The following FAT4 variants were observed in gnomAD, a reference collection of about 807,000 sequenced individuals.
FAT4 encodes the protein FAT atypical cadherin 4.
FAT4 carries 84 observed loss-of-function variants against 303.9 expected under a neutral mutation model. The observed-to-expected ratio is 0.28, with a 90% CI of 0.23 to 0.33. The LOEUF is 0.33. FAT4 is among the 10% of genes least tolerant of loss of function. The probability of loss-of-function intolerance (pLI) is 1.00; values close to 1 mark genes in which losing one functional copy is unlikely to be tolerated. For missense variants in FAT4, 6,005 were observed against 6,146.8 expected, an observed-to-expected ratio of 0.98 and a Z score of 0.77; for synonymous variants, 2,307 against 2,298.8, an observed-to-expected ratio of 1.00 and a Z score of -0.10.
intron 17 of FAT4, among the ~76,000 whole-genome samples, chr4:125,488,268 T>C (rs879000817): frequency 1.3e-5 from 2 of 152,194 alleles, no homozygotes; most frequent in Admixed American, 1.3e-4. Context: ...ATGATGAAGT[T>C]GGAGAATGAA....
chr4:125,349,930 T>A (rs1266588682), intron 2 of FAT4, among the ~76,000 whole-genome samples: 1 of 151,748 alleles, frequency 6.6e-6, no homozygotes, highest in Admixed American at 6.6e-5. Flanking sequence ...ATATATTGAG[T>A]TATAATTATT....
chr4:125,378,888 C>T (rs889951958), intron 2 of FAT4, among the ~76,000 whole-genome samples: 2 of 152,098 alleles, frequency 1.3e-5, no homozygotes, highest in Admixed American at 6.6e-5. Context: ...ATTCCACTGG[C>T]TATGGAGTAA....
intron 2 of FAT4, among the ~76,000 whole-genome samples, chr4:125,347,322 G>T (rs11939458): frequency 0.09 from 13,506 of 150,350 alleles, 629 homozygotes; most frequent in Middle Eastern, 0.18. Context: ...ATCAATTAAT[G>T]GTACTAACAA....
chr4:125,441,189 C>A (rs1038461798), intron 8 of FAT4, among the ~76,000 whole-genome samples: 5 of 152,056 alleles, frequency 3.3e-5, no homozygotes, highest in African/African-American at 9.7e-5. Flanking sequence ...ATAAGAAGTG[C>A]AATTTAATAG....
intron 2 of FAT4, among the ~76,000 whole-genome samples, chr4:125,385,024 A>ATTTTT (rs70960372): frequency 1.1e-5 from 1 of 94,444 alleles, no homozygotes; most frequent in African/African-American, 4.2e-5. Flanking sequence ...ATATATATAT[A>ATTTTT]TTTTTTTTTT....
In FAT4 at chr4:125,450,481, G is replaced by A. The variant is rs1249521953; in HGVS notation, c.9471G>A (p.Glu3157=). 3.7e-6 allele frequency: 6 copies of A among 1,613,956 alleles called. No individual in the cohort carries two copies. The highest frequency in any genetic ancestry group is 3.3e-5 in the Admixed American group (2 of 59,990). ...CACTAGCCAAAGCTCTTGATTATGA[G>A]CTATGCCAGAAACACGAAATGACGA... The part of the protein sequence containing the change: ...ILTLAKALDY[E]LCQKHEMTIS... Residue 3157 remains glutamate, a synonymous_variant, in exon 10 of 18, where the codon GAG becomes GAA. Transcript: ENST00000394329.
intron 7 of FAT4, among the ~76,000 whole-genome samples, chr4:125,422,760 G>A (rs115504303): frequency 0.014 from 2,203 of 152,318 alleles, 24 homozygotes; most frequent in Middle Eastern, 0.031. Context: ...AGTGACTTTG[G>A]AACTGGGTAA....
At chr4:125,486,923 T>G (rs1727430121) in intron 16 of FAT4, among the ~76,000 whole-genome samples, 1 of 152,212 alleles carries the variant, frequency 6.6e-6, no homozygotes, top group Non-Finnish European at 1.5e-5. Context: ...ATTCTTTTTC[T>G]TTTTGCAAGT....
chr4:125,315,987 A>G lies in FAT4; in HGVS notation c.-13+10A>G, dbSNP rs1365862382. On this transcript the variant is annotated intron_variant, in intron 1 of 17. Coordinates refer to ENST00000394329, the MANE Select transcript of FAT4 (RefSeq NM_001291303.3). ...ACGTTCTTCGCTGCGGGTAAGTTCT[A>G]AAGTTTCTGAAGACCGTTCTTTGCA... Among the ~76,000 whole-genome samples, 5 of 152,130 alleles carry G rather than the reference A, an allele frequency of 3.3e-5. No individual in the cohort carries two copies.
chr4:125,491,108 T>G lies in FAT4; in HGVS notation c.14292T>G (p.His4764Gln). Residue 4764 changes from histidine (H) to glutamine (Q), a missense_variant, in exon 18 of 18, where the codon CAT (histidine) becomes CAG (glutamine). By Grantham distance (24) the His-to-Gln change is conservative (BLOSUM62 0). Coordinates refer to ENST00000394329, the MANE Select transcript of FAT4 (RefSeq NM_001291303.3). Reference sequence around the variant, plus strand: ...AGAGTCCTCAGGCCATGGCATCACATGGTTCTAGACCAGGGAGTCGCCTAA... The same window carrying G: ...AGAGTCCTCAGGCCATGGCATCACAGGGTTCTAGACCAGGGAGTCGCCTAA... ...RSKSPQAMAS[H>Q]GSRPGSRLKQ... The G allele has an allele frequency of 6.2e-7, 1 of 1,614,162 alleles. No individual in the cohort carries two copies. Among genetic ancestry groups the G allele is most frequent in the South Asian group, 1.1e-5 (1 of 91,086 alleles).
In FAT4 at chr4:125,477,176, T is replaced by C. The variant is rs200344963; in HGVS notation, c.12321T>C (p.Asn4107=). The change falls in exon 14 of 18, where the codon AAT becomes AAC. Residue 4107 remains asparagine, a synonymous_variant. Coordinates refer to ENST00000394329, the MANE Select transcript of FAT4 (RefSeq NM_001291303.3). ...TTAGGACTCTTGATGTTCAGCCAAA[T>C]AGAGTTACAGTTGGAGGTATCAGAT... ...SDDWTLDVQP[N]RVTVGGIRSL... is the part of the protein sequence containing the mutation. 1.8e-4 allele frequency: 250 copies of C among 1,382,222 alleles called. No homozygotes were observed. The highest frequency in any genetic ancestry group is 2.1e-4 in the Non-Finnish European group (224 of 1,057,104). 85.6% of individuals were successfully genotyped at this position (1,382,222 alleles called of 1,614,324 possible).
At chr4:125,372,688 A>C (rs946095807) in intron 2 of FAT4, among the ~76,000 whole-genome samples, 4 of 152,180 alleles carry the variant, frequency 2.6e-5, no homozygotes, top group Non-Finnish European at 5.9e-5. Context: ...TTGAATGTGG[A>C]ATATTTATAG....
intron 7 of FAT4, among the ~76,000 whole-genome samples, chr4:125,430,413 ATGT>A (rs1725246273): frequency 6.6e-6 from 1 of 152,230 alleles, no homozygotes; most frequent in South Asian, 2.1e-4. Flanking sequence ...AACAAGCAAG[ATGT>A]TGTAGTGGGA....
intron 16 of FAT4, among the ~76,000 whole-genome samples, chr4:125,482,387 AAAT>A (rs1727259279): frequency 6.6e-6 from 1 of 152,262 alleles, no homozygotes; most frequent in African/African-American, 2.4e-5. Flanking sequence ...TCTTATCTGT[AAAT>A]AAGATACTAG....
At chr4:125,385,030 T>A (rs1314632000) in intron 2 of FAT4, among the ~76,000 whole-genome samples, 297 of 142,550 alleles carry the variant, frequency 2.1e-3, no homozygotes, top group African/African-American at 7.3e-3. Context: ...ATATATTTTT[T>A]TTTTTTTTGA....
At chr4:125,322,341 A>C (rs2125947320) in intron 2 of FAT4, among the ~76,000 whole-genome samples, 1 of 152,322 alleles carries the variant, frequency 6.6e-6, no homozygotes, top group East Asian at 1.9e-4. Flanking sequence ...GTAAGAAATT[A>C]GTGTTTCATA....
At chr4:125,483,691 A>G (rs1727305426) in intron 16 of FAT4, among the ~76,000 whole-genome samples, 1 of 152,190 alleles carries the variant, frequency 6.6e-6, no homozygotes, top group African/African-American at 2.4e-5. Flanking sequence ...ACCAAAATGC[A>G]TAGTTTTATA....
intron 5 of FAT4, among the ~76,000 whole-genome samples, chr4:125,412,567 G>C (rs905366867): frequency 2.0e-5 from 3 of 151,374 alleles, no homozygotes; most frequent in Non-Finnish European, 3.0e-5. Flanking sequence ...CAAACTTTTT[G>C]CCTTTATAAA....
chr4:125,386,847 T>C (rs563251583), intron 2 of FAT4, among the ~76,000 whole-genome samples: 2 of 152,310 alleles, frequency 1.3e-5, no homozygotes, highest in Admixed American at 1.3e-4. Flanking sequence ...ATAACTATTA[T>C]AGACCAGTGG....
Sources: gnomAD v4.1 joint callset for allele counts (sites outside exome capture counted in the v4.1 genomes callset) on GRCh38, gnomAD v4.1.1 for gene constraint, MANE v1.5 for transcripts, NCBI Gene and HGNC (gene_info 2026-07-23, HGNC 2026-07-21) for gene names.